The following GRB2 variants were observed in gnomAD, a reference collection of about 807,000 sequenced individuals.
GRB2 encodes the protein growth factor receptor bound protein 2, also known as growth factor receptor-bound protein 2.
A neutral mutation model predicts 27.4 loss-of-function variants in GRB2; 2 were observed. That is an observed-to-expected ratio of 0.07 (90% CI 0.03 to 0.23). The LOEUF is 0.23. Ranked by LOEUF, GRB2 falls within the 10% of genes least tolerant of loss-of-function variation. The pLI, the probability that GRB2 is intolerant of heterozygous loss-of-function variation, is 1.00. For missense variants in GRB2, 102 were observed against 282.4 expected (o/e 0.36, Z 4.58); for synonymous variants, 94 against 99.6 (o/e 0.94, Z 0.33).
Position 75,320,402 on chromosome 17 carries a change from C to T in GRB2, c.620G>A (p.Arg207His), listed in dbSNP as rs547957878. Residue 207 changes from arginine to histidine, a missense_variant, in exon 6 of 6, where the codon CGC becomes CAC. Arg to His is a conservative substitution (Grantham distance 29, BLOSUM62 0). This residue lies in a region of GRB2 where 57 missense variants were observed against 152.9 expected (regional missense o/e 0.37). Coordinates refer to ENST00000316804, the MANE Select transcript of GRB2 (RefSeq NM_002086.5). This position sits in a 1 kb window ranked among gnomAD's most constrained non-coding sequence, Gnocchi z 4.3. ...CCGGTTCACGGGGGTGACATAATTG[C>T]GGGGAAACATGCCGGTCTGCCCGTG... The part of the protein sequence containing the change: ...ACHGQTGMFP[R>H]NYVTPVNRNV 2 of 1,614,086 alleles carry T rather than the reference C, an allele frequency of 1.2e-6. No homozygotes were observed. The highest frequency in any genetic ancestry group is 1.1e-5 in the South Asian group (1 of 91,080).
At chr17:75,354,499 C>T (rs9906825) in intron 2 of GRB2, among the ~76,000 whole-genome samples, 101,870 of 152,030 alleles carry the variant, frequency 0.67, 39,318 homozygotes, top group East Asian at 0.91. Context: ...ACAAACCCTA[C>T]TGTAAACTGC....
intron 2 of GRB2, among the ~76,000 whole-genome samples, chr17:75,344,169 G>T (rs1359577122): frequency 6.6e-6 from 1 of 152,160 alleles, no homozygotes; most frequent in Admixed American, 6.5e-5. Context: ...CATCCTAGAT[G>T]AAGTGTGAAC....
intron 1 of GRB2, among the ~76,000 whole-genome samples, chr17:75,397,991 G>A (rs985494037): frequency 2.6e-5 from 4 of 151,756 alleles, no homozygotes; most frequent in Admixed American, 2.6e-4. Context: ...ACAGGTGCGC[G>A]CCACCAAGCC....
rs1451418888 is a variant in GRB2 at position 75,320,287 on chromosome 17, T to C, written c.*81A>G. 1 of 1,223,170 alleles carries C rather than the reference T, an allele frequency of 8.2e-7. No individual in the cohort carries two copies. The highest frequency in any genetic ancestry group is 2.3e-5 in the East Asian group (1 of 42,794). 75.8% of individuals were successfully genotyped at this position (1,223,170 alleles called of 1,614,324 possible). ...TGTTCTGCACTCCCTCACAGGCTGCTGTCAGAGGCAGCTTGTGGGTTTAAT... is the reference window on the plus strand; with the variant it reads ...TGTTCTGCACTCCCTCACAGGCTGCCGTCAGAGGCAGCTTGTGGGTTTAAT... On this transcript the variant is annotated 3_prime_UTR_variant, in exon 6 of 6. Coordinates refer to ENST00000316804, the MANE Select transcript of GRB2 (RefSeq NM_002086.5). The surrounding 1 kb of genome is among the most constrained non-coding windows in gnomAD (Gnocchi z 4.3).
At chr17:75,402,318 C>A (rs1307015810) in intron 1 of GRB2, among the ~76,000 whole-genome samples, 2 of 152,118 alleles carry the variant, frequency 1.3e-5, no homozygotes, top group African/African-American at 4.8e-5. Flanking sequence ...CAGAAGAATT[C>A]TCTGGTAGGC....
At position 75,320,327 on chromosome 17, in the gene GRB2, T is replaced by C; in HGVS notation, c.*41A>G. On this transcript the variant is annotated 3_prime_UTR_variant, in exon 6 of 6. Transcript: ENST00000316804. This position sits in a 1 kb window ranked among gnomAD's most constrained non-coding sequence, Gnocchi z 4.3. ...GTGGGTTTAATTCTTTTGTATGTGT[T>C]TTACATTTTTCACTTTCTTTAAATA... 6.4e-7 allele frequency: 1 copy of C among 1,552,730 alleles called. No individual in the cohort carries two copies. Among genetic ancestry groups the C allele is most frequent in the East Asian group, 2.2e-5 (1 of 44,484 alleles).
At chr17:75,378,964 T>C (rs1253359398) in intron 2 of GRB2, among the ~76,000 whole-genome samples, 1 of 152,212 alleles carries the variant, frequency 6.6e-6, no homozygotes, top group African/African-American at 2.4e-5. Context: ...GTCTTAATCA[T>C]TGTATCTTTT....
chr17:75,333,978 G>T (rs892618089), intron 2 of GRB2, among the ~76,000 whole-genome samples: 1 of 152,148 alleles, frequency 6.6e-6, no homozygotes, highest in African/African-American at 2.4e-5. Context: ...TGAATTGCAT[G>T]TACCAGGCCA....
chr17:75,369,152 A>G (rs1249721585), intron 2 of GRB2, among the ~76,000 whole-genome samples: 1 of 152,192 alleles, frequency 6.6e-6, no homozygotes, highest in African/African-American at 2.4e-5. Context: ...CCCTACTTCA[A>G]TCCACACTAC....
At chr17:75,336,738 AT>A (rs557092472) in intron 2 of GRB2, among the ~76,000 whole-genome samples, 24 of 149,626 alleles carry the variant, frequency 1.6e-4, no homozygotes, top group East Asian at 5.8e-4. Context: ...TAAAAATGTA[AT>A]TTTTTTTTTT....
Position 75,320,345 on chromosome 17 carries a change from T to C in GRB2, c.*23A>G. The C allele has an allele frequency of 1.9e-6, 3 of 1,599,394 alleles. No individual in the cohort carries two copies. Among genetic ancestry groups the C allele is most frequent in the Non-Finnish European group, 2.6e-6 (3 of 1,167,070 alleles). On this transcript the variant is annotated 3_prime_UTR_variant, in exon 6 of 6. Transcript: ENST00000316804. The surrounding 1 kb of genome is among the most constrained non-coding windows in gnomAD (Gnocchi z 4.3). Reference sequence around the variant, plus strand: ...TATGTGTTTTACATTTTTCACTTTCTTTAAATAATTGCTTCTTGACTCTTA... The same window carrying C: ...TATGTGTTTTACATTTTTCACTTTCCTTAAATAATTGCTTCTTGACTCTTA...
chr17:75,362,500 C>A (rs2078790041), intron 2 of GRB2, among the ~76,000 whole-genome samples: 1 of 152,106 alleles, frequency 6.6e-6, no homozygotes, highest in Non-Finnish European at 1.5e-5. Flanking sequence ...AGTTGGGAGC[C>A]AAAAGATATT....
At chr17:75,388,828 A>G (rs2078981237) in intron 2 of GRB2, among the ~76,000 whole-genome samples, 1 of 152,188 alleles carries the variant, frequency 6.6e-6, no homozygotes, top group Non-Finnish European at 1.5e-5. Flanking sequence ...ACTCTAACCA[A>G]CCAAACTAGG....
chr17:75,363,859 C>CAAAAAAAAAAAA lies in GRB2; in HGVS notation c.78+29680_78+29691dup, dbSNP rs55746272. ...TGGGCGACAGAGCAAGACTCCGTCT[C>CAAAAAAAAAAAA]AAAAAAAAAAAAAAAAAAAAAAAAA... On this transcript the variant is annotated intron_variant, in intron 2 of 5. Transcript: ENST00000316804. 4.1e-4 allele frequency among the ~76,000 whole-genome samples: 24 copies of CAAAAAAAAAAAA among 58,526 alleles called. 1 individual carries two copies. Among genetic ancestry groups the CAAAAAAAAAAAA allele is most frequent in the African/African-American group, 1.2e-3 (17 of 14,608 alleles). The allele number at this position is 58,526 out of a possible 152,430, so 38.4% of individuals were successfully genotyped here. A position where few individuals can be genotyped will look rare whatever the true frequency, so the allele number is the denominator to read the frequency against.
At chr17:75,340,882 G>C (rs2078616167) in intron 2 of GRB2, among the ~76,000 whole-genome samples, 1 of 151,856 alleles carries the variant, frequency 6.6e-6, no homozygotes, top group South Asian at 2.1e-4. Flanking sequence ...TTAGTGATGA[G>C]ATAACCAGCA....
chr17:75,328,007 C>A (rs1427771612), intron 3 of GRB2, among the ~76,000 whole-genome samples: 2 of 152,170 alleles, frequency 1.3e-5, no homozygotes, highest in African/African-American at 4.8e-5. Context: ...TCACATATCA[C>A]TAGAATAGAA....
rs1046888292 is a variant in GRB2 at position 75,353,396 on chromosome 17, T to C, written c.79-20599A>G. Reference sequence around the variant, plus strand: ...GGAACCATGCAGCTCAAACCTCTGTTGCTCAAGGGTCAACTGTACTTCCTT... The same window carrying C: ...GGAACCATGCAGCTCAAACCTCTGTCGCTCAAGGGTCAACTGTACTTCCTT... On this transcript the variant is annotated intron_variant, in intron 2 of 5. Transcript: ENST00000316804. Among the ~76,000 whole-genome samples the C allele has an allele frequency of 3.9e-5, 6 of 152,036 alleles. No individual in the cohort carries two copies. The East Asian group carries it at 9.6e-4, about 24-fold the overall frequency.
intron 2 of GRB2, among the ~76,000 whole-genome samples, chr17:75,389,858 A>G (rs1295104873): frequency 6.6e-6 from 1 of 152,184 alleles, no homozygotes; most frequent in Non-Finnish European, 1.5e-5. Context: ...AAAATAAAAA[A>G]ATAAATAAAA....
intron 2 of GRB2, among the ~76,000 whole-genome samples, chr17:75,354,695 T>C (rs1032036303): frequency 6.6e-6 from 1 of 152,166 alleles, no homozygotes; most frequent in Non-Finnish European, 1.5e-5. Flanking sequence ...AAGAGCCCAC[T>C]GCAGTCTTCC....
Sources: allele counts gnomAD v4.1 joint callset (sites outside exome capture counted in the v4.1 genomes callset), GRCh38; gene constraint gnomAD v4.1.1; regional missense constraint gnomAD v4.1.1; non-coding constraint Gnocchi (gnomAD v3.1); transcripts MANE v1.5; gene names NCBI Gene and HGNC (gene_info 2026-07-23, HGNC 2026-07-21).